The following RAB3IP variants were observed in gnomAD, a reference collection of about 807,000 sequenced individuals.
RAB3IP encodes the protein rab-3A-interacting protein.
A neutral mutation model predicts 59.1 loss-of-function variants in RAB3IP; 36 were observed. The observed-to-expected ratio is 0.61, with a 90% CI of 0.47 to 0.80. RAB3IP has a LOEUF of 0.80. Ranked by LOEUF, RAB3IP falls within the 30% of genes least tolerant of loss-of-function variation. The pLI, the probability that RAB3IP is intolerant of heterozygous loss-of-function variation, is 0.00. For missense variants in RAB3IP, 511 were observed against 536.0 expected, an observed-to-expected ratio of 0.95 and a Z score of 0.46; for synonymous variants, 207 against 191.2, an observed-to-expected ratio of 1.08 and a Z score of -0.68.
At position 69,820,873 on chromosome 12, in the gene RAB3IP, A is replaced by AAAC. The variant is rs1592653987; in HGVS notation, c.*5428_*5430dup. 6.6e-6 allele frequency: 1 copy of AAAC among 151,874 alleles called. No homozygotes were observed. Among genetic ancestry groups the AAAC allele is most frequent in the South Asian group, 2.1e-4 (1 of 4,816 alleles). 9.4% of individuals were successfully genotyped at this position (151,874 alleles called of 1,614,324 possible). A position where few individuals can be genotyped will look rare whatever the true frequency, so the allele number is the denominator to read the frequency against. The stretch of plus-strand genomic sequence containing the variant: ...AACTCCGTCTGAAAAAAAAAAAAAA[A>AAAC]AACCCAAACTCAATAGAAAATCAAG... On this transcript the variant is annotated 3_prime_UTR_variant, in exon 11 of 11. Transcript: ENST00000247833.
intron 1 of RAB3IP, among the ~76,000 whole-genome samples, chr12:69,745,959 T>A (rs1021644716): frequency 2.6e-5 from 4 of 152,014 alleles, no homozygotes; most frequent in African/African-American, 4.8e-5. Context: ...CTCTTTTTTT[T>A]ATATATCTGT....
At chr12:69,755,686 G>T (rs1870090163) in intron 2 of RAB3IP, 27 bp downstream of exon 2, 27 of 1,553,430 alleles carry the variant, frequency 1.7e-5, no homozygotes, top group East Asian at 9.2e-5. Flanking sequence ...TCACTTATTT[G>T]ATTTTTTTTA....
intron 1 of RAB3IP, among the ~76,000 whole-genome samples, chr12:69,751,911 G>A (rs1320346368): frequency 6.6e-6 from 1 of 151,362 alleles, no homozygotes; most frequent in Non-Finnish European, 1.5e-5. Flanking sequence ...GTAAAGCAAG[G>A]TACTTACAGA....
Position 69,795,269 on chromosome 12 carries a change from A to C in RAB3IP, c.813A>C (p.Lys271Asn). Residue 271 changes from lysine (K) to asparagine (N), a missense_variant, in exon 6 of 11, where the codon AAA becomes AAC. Physicochemically the swap from Lys to Asn is moderately conservative, Grantham distance 94. Coordinates refer to ENST00000247833, the MANE Select transcript of RAB3IP (RefSeq NM_022456.5). Reference sequence around the variant, plus strand: ...TTAAAAAGGGGCATACAAGAAATAAAAGCACAAGCAGTGCTATGAGTGGCA... The same window carrying C: ...TTAAAAAGGGGCATACAAGAAATAACAGCACAAGCAGTGCTATGAGTGGCA... ...TPFKKGHTRN[K>N]STSSAMSGSH... 6.2e-7 allele frequency: 1 copy of C among 1,614,106 alleles called. No homozygotes were observed. Among genetic ancestry groups the C allele is most frequent in the Non-Finnish European group, 8.5e-7 (1 of 1,179,984 alleles).
intron 3 of RAB3IP, among the ~76,000 whole-genome samples, chr12:69,764,236 C>G (rs531168110): frequency 6.6e-6 from 1 of 152,128 alleles, no homozygotes; most frequent in Non-Finnish European, 1.5e-5. Context: ...ATTCTTATGG[C>G]TTATTCCTAG....
chr12:69,749,520 G>T (rs1868888955), intron 1 of RAB3IP, among the ~76,000 whole-genome samples: 1 of 152,200 alleles, frequency 6.6e-6, no homozygotes. Context: ...GGCTCAGATT[G>T]TCTCAGTAAT....
intron 8 of RAB3IP, among the ~76,000 whole-genome samples, chr12:69,811,536 G>C (rs1050534547): frequency 6.6e-6 from 1 of 152,290 alleles, no homozygotes; most frequent in Non-Finnish European, 1.5e-5. Flanking sequence ...TTGGTTTTTA[G>C]CAGCTTAATG....
chr12:69,755,367 T>G lies in RAB3IP; in HGVS notation c.-25-17T>G, dbSNP rs1870027154. 1 of 1,592,802 alleles carries G rather than the reference T, an allele frequency of 6.3e-7. No individual in the cohort carries two copies. The highest frequency in any genetic ancestry group is 8.6e-7 in the Non-Finnish European group (1 of 1,168,388). On this transcript the variant is annotated splice_polypyrimidine_tract_variant and intron_variant, in intron 1 of 10. Transcript: ENST00000247833. ...TTATTATCTAAAAATAAGTATCTGC[T>G]TTTTGTTTTAACATAGGTTATCTTA...
chr12:69,802,266 G>C (rs758226696), intron 8 of RAB3IP, among the ~76,000 whole-genome samples: 1 of 151,908 alleles, frequency 6.6e-6, no homozygotes, highest in African/African-American at 2.4e-5. Flanking sequence ...AAGTCTTATC[G>C]ATCATGAAAA....
intron 10 of RAB3IP, among the ~76,000 whole-genome samples, chr12:69,814,633 G>A (rs535469474): frequency 6.6e-6 from 1 of 151,876 alleles, no homozygotes; most frequent in South Asian, 2.1e-4. Context: ...TCTATTCATT[G>A]CCAAACGTAC....
At chr12:69,784,917 GTA>G (rs1477883075) in intron 4 of RAB3IP, 102 bp downstream of exon 4, 10 of 632,738 alleles carry the variant, frequency 1.6e-5, no homozygotes, top group Non-Finnish European at 2.5e-5. Flanking sequence ...TTAGCTTCAT[GTA>G]TATTTATAAG....
At chr12:69,805,934 TC>T (rs1879189432) in intron 8 of RAB3IP, among the ~76,000 whole-genome samples, 1 of 152,234 alleles carries the variant, frequency 6.6e-6, no homozygotes, top group Non-Finnish European at 1.5e-5. Flanking sequence ...TCAATGTTCA[TC>T]AAGGATATTG....
chr12:69,790,126 ATC>A lies in RAB3IP; in HGVS notation c.607-4307_607-4306del, dbSNP rs1876365345. ...CAACCAAATTGGAAAGGAAGAAATA[ATC>A]TCTGTGTGCAGATGACATGATCACA... On this transcript the variant is annotated intron_variant, in intron 4 of 10. Transcript: ENST00000247833. Among the ~76,000 whole-genome samples the A allele has an allele frequency of 2.6e-5, 4 of 152,292 alleles. No homozygotes were observed. The South Asian group carries it at 8.3e-4, about 32-fold the overall frequency.
At position 69,822,028 on chromosome 12, in the gene RAB3IP, T is replaced by C. The variant is rs979147609; in HGVS notation, c.*6582T>C. Reference sequence around the variant, plus strand: ...TGAGAACATGAAGTCTGTGGGTGAATTGGTGGACGGGATCCAGAATCATTA... The same window carrying C: ...TGAGAACATGAAGTCTGTGGGTGAACTGGTGGACGGGATCCAGAATCATTA... On this transcript the variant is annotated 3_prime_UTR_variant, in exon 11 of 11. Coordinates refer to ENST00000247833, the MANE Select transcript of RAB3IP (RefSeq NM_022456.5). 1 of 152,178 alleles carries C rather than the reference T, an allele frequency of 6.6e-6. No homozygotes were observed. Among genetic ancestry groups the C allele is most frequent in the Non-Finnish European group, 1.5e-5 (1 of 68,056 alleles). 9.4% of individuals were successfully genotyped at this position (152,178 alleles called of 1,614,324 possible).
chr12:69,793,966 T>G (rs1034533214), intron 4 of RAB3IP, among the ~76,000 whole-genome samples: 5 of 152,320 alleles, frequency 3.3e-5, no homozygotes, highest in African/African-American at 1.2e-4. Flanking sequence ...AATAAAATTT[T>G]GGGAATGTTT....
intron 4 of RAB3IP, among the ~76,000 whole-genome samples, chr12:69,789,595 A>T (rs937791506): frequency 6.6e-6 from 1 of 152,160 alleles, no homozygotes; most frequent in African/African-American, 2.4e-5. Flanking sequence ...TATGAGGCCA[A>T]TATCACTCTG....
intron 10 of RAB3IP, 35 bp downstream of exon 10, chr12:69,813,068 A>AAAAGTTCAGC: frequency 6.7e-7 from 1 of 1,493,614 alleles, no homozygotes; most frequent in East Asian, 2.3e-5. Flanking sequence ...GTCTTTACAT[A>AAAAGTTCAGC]AAAGTTCAGC....
rs74235789 is a variant in RAB3IP at position 69,751,148 on chromosome 12, T to G, written c.-25-4236T>G. 2.0e-4 allele frequency among the ~76,000 whole-genome samples: 31 copies of G among 152,340 alleles called. No homozygotes were observed. The East Asian group carries it at 5.6e-3, about 27-fold the overall frequency. On this transcript the variant is annotated intron_variant, in intron 1 of 10. Transcript: ENST00000247833. ...AGAGAAGGCCAGTGAGGTACTTTGC[T>G]TTATTTTTAGTGTCATTATGACCTC...
intron 1 of RAB3IP, among the ~76,000 whole-genome samples, chr12:69,754,591 G>T (rs1420670736): frequency 6.6e-6 from 1 of 152,160 alleles, no homozygotes. Context: ...TGTAGTTCCT[G>T]ACGATATATT....
Sources: gnomAD v4.1 joint callset for allele counts (sites outside exome capture counted in the v4.1 genomes callset) on GRCh38, gnomAD v4.1.1 for gene constraint, MANE v1.5 for transcripts, NCBI Gene and HGNC (gene_info 2026-07-23, HGNC 2026-07-21) for gene names.